The following CDIP1 variants were observed in gnomAD, a reference collection of about 807,000 sequenced individuals.
CDIP1 encodes cell death-inducing p53-target protein 1.
Under a neutral mutation model 17.7 loss-of-function variants are expected in CDIP1, and 9 were observed. The ratio of observed to expected loss-of-function variants is 0.51; its 90% CI spans 0.31 to 0.89. The LOEUF (loss-of-function observed/expected upper bound fraction) is 0.89, where lower values mean the gene tolerates loss of function less well. Among genes scored for constraint, CDIP1 ranks in the 40% least tolerant of loss-of-function variants. CDIP1 has a pLI of 0.05. For synonymous variants in CDIP1, 117 were observed against 109.5 expected, an observed-to-expected ratio of 1.07 and a Z score of -0.43; for missense variants, 263 against 277.9, an observed-to-expected ratio of 0.95 and a Z score of 0.38.
intron 1 of CDIP1, among the ~76,000 whole-genome samples, chr16:4,520,467 T>C (rs1001188144): frequency 1.3e-5 from 2 of 152,192 alleles, no homozygotes; most frequent in African/African-American, 4.8e-5. Flanking sequence ...ATGGTTTTTT[T>C]CTAATGTGTT....
intron 1 of CDIP1, among the ~76,000 whole-genome samples, chr16:4,520,205 G>A (rs983918826): frequency 2.6e-5 from 4 of 151,642 alleles, no homozygotes; most frequent in Non-Finnish European, 2.9e-5. Flanking sequence ...TCCGCCTCCC[G>A]GGTTCAAGCG....
rs975258337 is a variant in CDIP1, at chr16:4,513,581, G to C, written c.241+115C>G. 23 of 876,146 alleles carry C rather than the reference G, an allele frequency of 2.6e-5. No individual in the cohort carries two copies. In the Admixed American group the frequency reaches 4.4e-4, roughly 17 times the overall value. The allele number at this position is 876,146 out of a possible 1,614,324, so 54.3% of individuals were successfully genotyped here. ...TGAGCCCTAGGCAAGGGCTGGTTGG[G>C]CGTGTTGGAGTCCCTGCCCTACAGC... is the stretch of plus-strand genomic sequence containing the variant. On this transcript the variant is annotated intron_variant, in intron 4 of 5. Transcript: ENST00000567695. This position sits in a 1 kb window ranked among gnomAD's most constrained non-coding sequence, Gnocchi z 4.1.
chr16:4,532,613 C>G (rs920163047), intron 1 of CDIP1: 2 of 152,274 alleles, frequency 1.3e-5, no homozygotes, highest in Admixed American at 1.3e-4. Flanking sequence ...ATTTTCCGCA[C>G]TCACCTGCCA....
Position 4,520,414 on chromosome 16 carries a change from G to C in CDIP1, c.-104-5750C>G, listed in dbSNP as rs559787069. Among the ~76,000 whole-genome samples the C allele has an allele frequency of 2.2e-3, 337 of 152,300 alleles. 1 individual carries two copies. The highest frequency in any genetic ancestry group is 4.0e-3 in the Non-Finnish European group (269 of 68,016). ...CACCGCACTTGACCGACAAGTGGTA[G>C]TTTCTTAAGGGTTAGTTGCCACAGG... is the stretch of plus-strand genomic sequence containing the variant. On this transcript the variant is annotated intron_variant, in intron 1 of 5. Transcript: ENST00000567695.
chr16:4,530,586 T>C (rs1320523891), intron 1 of CDIP1, among the ~76,000 whole-genome samples: 1 of 151,834 alleles, frequency 6.6e-6, no homozygotes, highest in Non-Finnish European at 1.5e-5. Flanking sequence ...GAGGTGGAGC[T>C]TGCAGTGAGC....
Position 4,514,064 on chromosome 16 carries a change from C to G in CDIP1, c.67G>C (p.Gly23Arg), listed in dbSNP as rs2058863311. The G allele has an allele frequency of 6.5e-7, 1 of 1,527,462 alleles. No individual in the cohort carries two copies. Among genetic ancestry groups the G allele is most frequent in the African/African-American group, 1.5e-5 (1 of 68,928 alleles). 94.6% of individuals were successfully genotyped at this position (1,527,462 alleles called of 1,614,324 possible). A position where few individuals can be genotyped will look rare whatever the true frequency, so the allele number is the denominator to read the frequency against. ...CCCCTACCTGGGGTGGGCGGGGCTCCACTTTTCTCTTCCAGAAGTGGGGCT... is the reference window on the plus strand; with the variant it reads ...CCCCTACCTGGGGTGGGCGGGGCTCGACTTTTCTCTTCCAGAAGTGGGGCT... ...PTAPLLEEKS[G>R]APPTPGRSSP... is the part of the protein sequence containing the mutation. The change falls in exon 3 of 6, where the codon GGA (glycine) becomes CGA (arginine). Residue 23 changes from glycine to arginine, a missense_variant. Physicochemically the swap from Gly to Arg is moderately radical, Grantham distance 125. Coordinates refer to ENST00000567695, the MANE Select transcript of CDIP1 (RefSeq NM_013399.3). The surrounding 1 kb of genome is among the most constrained non-coding windows in gnomAD (Gnocchi z 5.2).
intron 1 of CDIP1, among the ~76,000 whole-genome samples, chr16:4,522,721 A>T (rs1478537944): frequency 6.6e-6 from 1 of 152,240 alleles, no homozygotes; most frequent in Non-Finnish European, 1.5e-5. Flanking sequence ...AGCCAGAAGC[A>T]AGCAGGAGCT....
At chr16:4,528,606 A>G (rs1470507911) in intron 1 of CDIP1, among the ~76,000 whole-genome samples, 2 of 143,074 alleles carry the variant, frequency 1.4e-5, no homozygotes, top group East Asian at 4.3e-4. Flanking sequence ...CACTCAACCC[A>G]GGAGGTGGAG....
intron 1 of CDIP1, among the ~76,000 whole-genome samples, chr16:4,517,641 T>C (rs1596487026): frequency 6.6e-6 from 1 of 151,988 alleles, no homozygotes; most frequent in African/African-American, 2.4e-5. Flanking sequence ...CTGGGGAGGC[T>C]GAGGCAGGAG....
In CDIP1 at chr16:4,527,149, G is replaced by A. The variant is rs546013049; in HGVS notation, c.-105+11553C>T. ...GTCGCCCAGGCTGGAGTGCAGTGGC[G>A]GGATCTTGGCTCACTGCAAGCTCCG... On this transcript the variant is annotated intron_variant, in intron 1 of 5. Coordinates refer to ENST00000567695, the MANE Select transcript of CDIP1 (RefSeq NM_013399.3). 1.3e-4 allele frequency among the ~76,000 whole-genome samples: 20 copies of A among 151,522 alleles called. 1 individual carries two copies. In the South Asian group the frequency reaches 2.5e-3, roughly 19 times the overall value.
Position 4,512,354 on chromosome 16 carries a change from C to T in CDIP1, c.*218G>A. On this transcript the variant is annotated 3_prime_UTR_variant, in exon 6 of 6. Coordinates refer to ENST00000567695, the MANE Select transcript of CDIP1 (RefSeq NM_013399.3). The surrounding 1 kb of genome is among the most constrained non-coding windows in gnomAD (Gnocchi z 4.6). ...CAACAACACACAAGCTCATTGTCAG[C>T]CCCCTGCCACCCACTGACCCTTGGC... 2 of 593,710 alleles carry T rather than the reference C, an allele frequency of 3.4e-6. No homozygotes were observed. Among genetic ancestry groups the T allele is most frequent in the East Asian group, 2.8e-5 (1 of 35,640 alleles). The allele number at this position is 593,710 out of a possible 1,614,324, so 36.8% of individuals were successfully genotyped here. A position where few individuals can be genotyped will look rare whatever the true frequency, so the allele number is the denominator to read the frequency against.
intron 1 of CDIP1, among the ~76,000 whole-genome samples, chr16:4,521,135 A>G (rs2058942935): frequency 6.6e-6 from 1 of 151,922 alleles, no homozygotes. Context: ...GTGAAGACTC[A>G]ATTACAACAA....
intron 1 of CDIP1, chr16:4,523,722 G>A (rs748055493): frequency 6.6e-6 from 1 of 152,332 alleles, no homozygotes; most frequent in Non-Finnish European, 1.5e-5. Flanking sequence ...GCAAACCTGG[G>A]AGGAGGTGGC....
chr16:4,527,336 C>T (rs1457596349), intron 1 of CDIP1, among the ~76,000 whole-genome samples: 1 of 152,146 alleles, frequency 6.6e-6, no homozygotes, highest in Admixed American at 6.5e-5. Context: ...ATCCACCTGC[C>T]TCGGCCTCCC....
chr16:4,530,263 C>G (rs774263197), intron 1 of CDIP1, among the ~76,000 whole-genome samples: 2 of 152,222 alleles, frequency 1.3e-5, no homozygotes, highest in Non-Finnish European at 2.9e-5. Context: ...AACTGAGTTT[C>G]TATCACTCTT....
At chr16:4,525,489 G>T (rs913480110) in intron 1 of CDIP1, among the ~76,000 whole-genome samples, 3 of 152,146 alleles carry the variant, frequency 2.0e-5, no homozygotes, top group African/African-American at 7.2e-5. Flanking sequence ...TCCAAGTGAG[G>T]AGGTGCTCAA....
At chr16:4,528,312 C>G (rs2059021163) in intron 1 of CDIP1, among the ~76,000 whole-genome samples, 1 of 152,166 alleles carries the variant, frequency 6.6e-6, no homozygotes, top group Non-Finnish European at 1.5e-5. Context: ...CTCCTGAGCT[C>G]AAGCTATCCT....
intron 1 of CDIP1, chr16:4,536,569 A>C (rs1169532525): frequency 6.6e-6 from 1 of 152,132 alleles, no homozygotes; most frequent in East Asian, 1.9e-4. Flanking sequence ...TTGTTCCCTG[A>C]AGTATTACTT....
chr16:4,538,283 G>A (rs1030477354), intron 1 of CDIP1: 2 of 152,160 alleles, frequency 1.3e-5, no homozygotes, highest in Non-Finnish European at 2.9e-5. Context: ...AGGGGAGGAC[G>A]GGCCCCGCCA....
Sources: gnomAD v4.1 joint callset for allele counts (sites outside exome capture counted in the v4.1 genomes callset) on GRCh38, gnomAD v4.1.1 for gene constraint, Gnocchi (gnomAD v3.1) non-coding constraint, MANE v1.5 for transcripts, NCBI Gene and HGNC (gene_info 2026-07-23, HGNC 2026-07-21) for gene names.